The following IRAK1BP1 variants were observed in gnomAD, a reference collection of about 807,000 sequenced individuals.
IRAK1BP1 encodes interleukin-1 receptor-associated kinase 1-binding protein 1.
In IRAK1BP1, 24 loss-of-function variants were observed where a neutral mutation model predicts 28.0. That is an observed-to-expected ratio of 0.86 (90% CI 0.62 to 1.20). The LOEUF is 1.20. IRAK1BP1 is among the 50% of genes most tolerant of loss of function. The probability of loss-of-function intolerance (pLI) is 0.00; values close to 1 mark genes in which losing one functional copy is unlikely to be tolerated. For missense variants in IRAK1BP1, 336 were observed against 316.7 expected (o/e 1.06, Z -0.46); for synonymous variants, 131 against 116.3 (o/e 1.13, Z -0.81).
chr6:78,963,863 T>C, the IRAK1BP1 span, among the ~76,000 whole-genome samples: 1 of 152,198 alleles, frequency 6.6e-6, no homozygotes, highest in Non-Finnish European at 1.5e-5. Flanking sequence ...AGATACACTC[T>C]AGAAAATACG....
downstream of IRAK1BP1, among the ~76,000 whole-genome samples, chr6:78,949,700 T>C (rs1305304111): frequency 1.3e-5 from 2 of 151,838 alleles, no homozygotes; most frequent in Non-Finnish European, 2.9e-5. Context: ...TTTTTTTTTG[T>C]TGTTAATGAG....
chr6:78,941,267 G>A lies in IRAK1BP1; in HGVS notation c.*68-4141G>A. 1.2e-6 allele frequency: 2 copies of A among 1,613,262 alleles called. No individual in the cohort carries two copies. Among genetic ancestry groups the A allele is most frequent in the Non-Finnish European group, 1.7e-6 (2 of 1,179,348 alleles). ...AGGTCCCCTCTTCACAAGTTTTGAT[G>A]GCTGTCCTCCATGGCCATTTACTTG... On this transcript the variant is annotated intron_variant and NMD_transcript_variant, in intron 4 of 4. Coordinates refer to the IRAK1BP1 transcript ENST00000606868.
At chr6:78,893,312 G>GTATATATA (rs1188973498) in intron 2 of IRAK1BP1, among the ~76,000 whole-genome samples, 47 of 64,170 alleles carry the variant, frequency 7.3e-4, no homozygotes, top group Admixed American at 5.3e-3. Flanking sequence ...GTGTGTGTGT[G>GTATATATA]TGTATATATA....
downstream of IRAK1BP1, among the ~76,000 whole-genome samples, chr6:78,904,443 C>T (rs1288988156): frequency 6.6e-6 from 1 of 152,136 alleles, no homozygotes; most frequent in Non-Finnish European, 1.5e-5. Context: ...CTGACAGCAG[C>T]CACTATAAAA....
At chr6:78,946,235 T>C in exon 5 of IRAK1BP1, 1 of 1,613,446 alleles carries the variant, frequency 6.2e-7, no homozygotes, top group Non-Finnish European at 8.5e-7. Flanking sequence ...AGCTGGGGTT[T>C]TAAGATCCTT....
chr6:78,969,838 T>C, the IRAK1BP1 span: 2 of 1,512,028 alleles, frequency 1.3e-6, no homozygotes, highest in Non-Finnish European at 1.8e-6. Flanking sequence ...TACCCACCTA[T>C]ATTCCATCGC....
At chr6:78,897,256 TAAAAAAAAAA>T (rs749859007) in intron 2 of IRAK1BP1, among the ~76,000 whole-genome samples, 3 of 111,002 alleles carry the variant, frequency 2.7e-5, no homozygotes, top group East Asian at 2.5e-4. Context: ...TTGTCTCTCT[TAAAAAAAAAA>T]AAAAAAAAAA....
At chr6:78,911,503 A>C (rs1364287817) in intron 4 of IRAK1BP1, among the ~76,000 whole-genome samples, 1 of 152,208 alleles carries the variant, frequency 6.6e-6, no homozygotes, top group Non-Finnish European at 1.5e-5. Context: ...GTGCAAAAAC[A>C]TCAATAAAAT....
In IRAK1BP1 at chr6:78,930,117, A is replaced by T. The variant is rs549038498; in HGVS notation, c.*68-15291A>T. Among the ~76,000 whole-genome samples the T allele has an allele frequency of 1.2e-4, 19 of 152,088 alleles. No homozygotes were observed. In the South Asian group the frequency reaches 3.5e-3, roughly 28 times the overall value. On this transcript the variant is annotated intron_variant and NMD_transcript_variant, in intron 4 of 4. Coordinates refer to the IRAK1BP1 transcript ENST00000606868. ...TGCCCAGCTAATTTTTTGTAGAGAC[A>T]GGGTTTCACCATAATGCCCAGGTTG...
At chr6:78,872,840 C>T (rs1770837400) in intron 1 of IRAK1BP1, among the ~76,000 whole-genome samples, 2 of 152,032 alleles carry the variant, frequency 1.3e-5, no homozygotes, top group South Asian at 2.1e-4. Context: ...AATGATACTG[C>T]CATTTCTTTT....
At chr6:78,869,502 A>G (rs1025735369) in intron 1 of IRAK1BP1, among the ~76,000 whole-genome samples, 2 of 152,208 alleles carry the variant, frequency 1.3e-5, no homozygotes, top group Admixed American at 1.3e-4. Context: ...CTTGGGTGAC[A>G]GAGACTCTGT....
At chr6:78,922,383 A>C (rs975887936) in intron 4 of IRAK1BP1, among the ~76,000 whole-genome samples, 1 of 152,222 alleles carries the variant, frequency 6.6e-6, no homozygotes, top group Non-Finnish European at 1.5e-5. Flanking sequence ...AAAAAAGAGT[A>C]AAAAGAAATG....
intron 1 of IRAK1BP1, among the ~76,000 whole-genome samples, chr6:78,870,380 T>A (rs1770754944): frequency 6.6e-6 from 1 of 152,164 alleles, no homozygotes; most frequent in Admixed American, 6.5e-5. Context: ...GTATCATAAT[T>A]CTTAATTTAC....
chr6:78,871,530 A>G (rs1770791151), intron 1 of IRAK1BP1: 5 of 985,192 alleles, frequency 5.1e-6, no homozygotes, highest in East Asian at 1.1e-4. Flanking sequence ...ACATCATGAC[A>G]CATCAAGGCA....
the IRAK1BP1 span, chr6:78,970,108 A>G: frequency 1.2e-6 from 2 of 1,612,938 alleles, no homozygotes; most frequent in East Asian, 4.5e-5. Flanking sequence ...AAGCAAGTTT[A>G]AGGCAGCAAA....
At chr6:78,973,406 C>T in the IRAK1BP1 span, among the ~76,000 whole-genome samples, 1 of 149,490 alleles carries the variant, frequency 6.7e-6, no homozygotes, top group African/African-American at 2.5e-5. Context: ...AAAACCGGTA[C>T]CAGCCGCTGC....
At chr6:78,933,926 A>C (rs1685175510) in intron 4 of IRAK1BP1, among the ~76,000 whole-genome samples, 1 of 152,112 alleles carries the variant, frequency 6.6e-6, no homozygotes, top group Non-Finnish European at 1.5e-5. Context: ...GCTGCTTGGC[A>C]CAATAGTTTC....
At chr6:78,911,327 C>T (rs952872666) in intron 4 of IRAK1BP1, among the ~76,000 whole-genome samples, 5 of 152,090 alleles carry the variant, frequency 3.3e-5, no homozygotes, top group African/African-American at 7.2e-5. Flanking sequence ...TCAAAGGGAC[C>T]GAGGTCAACC....
intron 4 of IRAK1BP1, among the ~76,000 whole-genome samples, chr6:78,931,802 G>C (rs1562102874): frequency 6.6e-6 from 1 of 152,190 alleles, no homozygotes; most frequent in Admixed American, 6.5e-5. Flanking sequence ...TCAGGGTGGT[G>C]GTTGGGGTGG....
Sources: allele counts gnomAD v4.1 joint callset (sites outside exome capture counted in the v4.1 genomes callset), GRCh38; gene constraint gnomAD v4.1.1; transcripts MANE v1.5; gene names NCBI Gene and HGNC (gene_info 2026-07-23, HGNC 2026-07-21).